Variants in UBE2H observed in about 807,000 individuals in gnomAD.
UBE2H encodes ubiquitin conjugating enzyme E2 H, also known as ubiquitin-conjugating enzyme E2 H.
UBE2H carries 3 observed loss-of-function variants against 29.0 expected under a neutral mutation model. The observed-to-expected ratio is 0.10, with a 90% CI of 0.05 to 0.27. UBE2H has a LOEUF of 0.27. Ranked by LOEUF, UBE2H falls within the 10% of genes least tolerant of loss-of-function variation. UBE2H has a pLI of 1.00. For missense variants in UBE2H, 68 were observed against 228.2 expected, an observed-to-expected ratio of 0.30 and a Z score of 4.52; for synonymous variants, 69 against 82.9, an observed-to-expected ratio of 0.83 and a Z score of 0.91.
chr7:129,842,591 T>C (rs1042513537), intron 5 of UBE2H, among the ~76,000 whole-genome samples: 1 of 152,100 alleles, frequency 6.6e-6, no homozygotes, highest in Non-Finnish European at 1.5e-5. Context: ...TGGTAGAAAA[T>C]GCCAAAAGGT....
intron 1 of UBE2H, among the ~76,000 whole-genome samples, chr7:129,919,825 T>C (rs915529587): frequency 1.3e-5 from 2 of 152,154 alleles, no homozygotes; most frequent in Admixed American, 6.5e-5. Flanking sequence ...CCAAAAATAT[T>C]TGACTAGAAA....
intron 1 of UBE2H, among the ~76,000 whole-genome samples, chr7:129,895,899 C>T (rs1033052776): frequency 4.6e-5 from 7 of 151,912 alleles, no homozygotes; most frequent in African/African-American, 1.7e-4. Flanking sequence ...AGAAAAAATC[C>T]TACTTCCCCT....
At chr7:129,949,050 T>C (rs1261148861) in intron 1 of UBE2H, 1 of 456,538 alleles carries the variant, frequency 2.2e-6, no homozygotes, top group Non-Finnish European at 4.4e-6. Flanking sequence ...CTGCGGCCTT[T>C]TGCCTGCATA....
chr7:129,843,972 G>A (rs974131784), intron 5 of UBE2H, among the ~76,000 whole-genome samples: 2 of 152,210 alleles, frequency 1.3e-5, no homozygotes, highest in African/African-American at 4.8e-5. Context: ...TAGGAGTTTA[G>A]CGTGTCCCAG....
intron 1 of UBE2H, among the ~76,000 whole-genome samples, chr7:129,944,728 ACACACACACACACACACACACACG>A (rs1807722291): frequency 8.0e-6 from 1 of 125,596 alleles, no homozygotes; most frequent in East Asian, 3.5e-4. Context: ...ACACACACAC[ACACACACACACACACACACACACG>A]CACGCACGCA....
At chr7:129,891,387 G>T (rs1806485099) in intron 1 of UBE2H, among the ~76,000 whole-genome samples, 1 of 151,962 alleles carries the variant, frequency 6.6e-6, no homozygotes, top group African/African-American at 2.4e-5. Flanking sequence ...AAACAAAGGG[G>T]GAGGGGATGC....
chr7:129,949,976 C>T (rs1477090681), intron 1 of UBE2H, among the ~76,000 whole-genome samples: 1 of 152,138 alleles, frequency 6.6e-6, no homozygotes, highest in East Asian at 1.9e-4. Context: ...CTTTCTCAAC[C>T]CCCAGCCTTT....
rs1349327293 is a variant in UBE2H, at chr7:129,838,262, T to C, written c.427+945A>G. Among the ~76,000 whole-genome samples, 5 of 152,234 alleles carry C rather than the reference T, an allele frequency of 3.3e-5. No homozygotes were observed. In the South Asian group the frequency reaches 6.2e-4, roughly 19 times the overall value. On this transcript the variant is annotated intron_variant, in intron 6 of 6. Transcript: ENST00000355621. ...CCTATAGAGACCTTGGAAGAAGAAT[T>C]AGAAAACAAATAGAAGAAAAGCTAT...
chr7:129,892,294 C>T (rs1300587379), intron 1 of UBE2H, among the ~76,000 whole-genome samples: 2 of 151,042 alleles, frequency 1.3e-5, no homozygotes, highest in African/African-American at 2.4e-5. Context: ...TCCCATCGCA[C>T]AGGCTGGTGT....
rs978789869 is a variant in UBE2H at position 129,830,814 on chromosome 7, G to A, written c.*4123C>T. Reference sequence around the variant, plus strand: ...CTATTAAGAGGTTATAGTCAGAGGAGGCATGTGTCCTGTTGACAGACGTGC... The same window carrying A: ...CTATTAAGAGGTTATAGTCAGAGGAAGCATGTGTCCTGTTGACAGACGTGC... On this transcript the variant is annotated 3_prime_UTR_variant, in exon 7 of 7. Coordinates refer to ENST00000355621, the MANE Select transcript of UBE2H (RefSeq NM_003344.4). 2.1e-5 allele frequency: 3 copies of A among 144,154 alleles called. No individual in the cohort carries two copies. The highest frequency in any genetic ancestry group is 3.0e-5 in the Non-Finnish European group (2 of 66,084). The allele number at this position is 144,154 out of a possible 1,614,324, so 8.9% of individuals were successfully genotyped here.
intron 1 of UBE2H, among the ~76,000 whole-genome samples, chr7:129,936,684 C>T (rs1353901337): frequency 2.0e-5 from 3 of 151,282 alleles, no homozygotes; most frequent in African/African-American, 4.9e-5. Flanking sequence ...AGGCCACGTG[C>T]AGTGGCTTGT....
rs61226846 is a variant in UBE2H, at chr7:129,836,879, C to CAAAAAAAAAAAAAAAAAAAAAAAAAA, written c.428-1844_428-1819dup. 7.9e-4 allele frequency among the ~76,000 whole-genome samples: 58 copies of CAAAAAAAAAAAAAAAAAAAAAAAAAA among 73,726 alleles called. 2 individuals are homozygous for CAAAAAAAAAAAAAAAAAAAAAAAAAA. The highest frequency in any genetic ancestry group is 1.0e-3 in the Non-Finnish European group (40 of 38,352). The allele number at this position is 73,726 out of a possible 152,430, so 48.4% of individuals were successfully genotyped here. A position where few individuals can be genotyped will look rare whatever the true frequency, so the allele number is the denominator to read the frequency against. On this transcript the variant is annotated intron_variant, in intron 6 of 6. Coordinates refer to ENST00000355621, the MANE Select transcript of UBE2H (RefSeq NM_003344.4). The stretch of plus-strand genomic sequence containing the variant: ...TAGGCGACAGGGCAAGACTCCGTCT[C>CAAAAAAAAAAAAAAAAAAAAAAAAAA]AAAAAAAAAAAAAAAAAAAAAAAAA...
intron 3 of UBE2H, among the ~76,000 whole-genome samples, chr7:129,873,110 C>G (rs1175090881): frequency 3.3e-5 from 5 of 151,730 alleles, no homozygotes; most frequent in Non-Finnish European, 1.5e-5. Context: ...GCTCCGCCTC[C>G]CGGGTTCACG....
chr7:129,884,874 T>G (rs1040281486), intron 1 of UBE2H, among the ~76,000 whole-genome samples: 6 of 151,588 alleles, frequency 4.0e-5, no homozygotes, highest in Non-Finnish European at 8.8e-5. Context: ...TGAGCCACCA[T>G]GCCTAGCCAG....
intron 1 of UBE2H, among the ~76,000 whole-genome samples, chr7:129,896,022 G>A (rs1212852575): frequency 6.6e-6 from 1 of 152,040 alleles, no homozygotes; most frequent in Non-Finnish European, 1.5e-5. Flanking sequence ...AGTGCCTTTG[G>A]TATTCAAGTT....
chr7:129,892,233 G>A (rs1362637974), intron 1 of UBE2H, among the ~76,000 whole-genome samples: 1 of 149,746 alleles, frequency 6.7e-6, no homozygotes, highest in Admixed American at 6.7e-5. Flanking sequence ...ATAGGCATGA[G>A]CCACCGCACC....
chr7:129,839,145 A>C (rs1228296235), intron 6 of UBE2H, 62 bp downstream of exon 6: 8 of 1,576,092 alleles, frequency 5.1e-6, no homozygotes, highest in Non-Finnish European at 6.0e-6. Flanking sequence ...AGGACTTTTA[A>C]TGACTGAAGC....
chr7:129,868,258 T>C (rs1276368679), intron 3 of UBE2H, among the ~76,000 whole-genome samples: 1 of 152,016 alleles, frequency 6.6e-6, no homozygotes, highest in Admixed American at 6.6e-5. Context: ...AAAGATTATA[T>C]AATAATGAGC....
At chr7:129,945,100 A>T (rs1343930683) in intron 1 of UBE2H, among the ~76,000 whole-genome samples, 2 of 152,096 alleles carry the variant, frequency 1.3e-5, no homozygotes, top group African/African-American at 4.8e-5. Flanking sequence ...AAATGAGATC[A>T]ATGGTTGGAA....
Sources: allele counts gnomAD v4.1 joint callset (sites outside exome capture counted in the v4.1 genomes callset), GRCh38; gene constraint gnomAD v4.1.1; transcripts MANE v1.5; gene names NCBI Gene and HGNC (gene_info 2026-07-23, HGNC 2026-07-21).